Variants in CSMD3 observed in about 807,000 individuals in gnomAD.
CSMD3 encodes the protein CUB and sushi domain-containing protein 3.
In CSMD3, 177 loss-of-function variants were observed where a neutral mutation model predicts 435.2. That is an observed-to-expected ratio of 0.41 (90% CI 0.36 to 0.46). The LOEUF (loss-of-function observed/expected upper bound fraction) is 0.46, where lower values mean the gene tolerates loss of function less well. Among genes scored for constraint, CSMD3 ranks in the 20% least tolerant of loss-of-function variants. CSMD3 has a pLI of 0.34. For missense variants in CSMD3, 4,265 were observed against 4,504.6 expected, an observed-to-expected ratio of 0.95 and a Z score of 1.52; for synonymous variants, 1,656 against 1,520.5, an observed-to-expected ratio of 1.09 and a Z score of -2.07.
chr8:112,934,788 T>G (rs2130729813), intron 9 of CSMD3, among the ~76,000 whole-genome samples: 1 of 152,286 alleles, frequency 6.6e-6, no homozygotes, highest in Middle Eastern at 3.4e-3. Context: ...ATTTGGGAAC[T>G]TCTTGTGCTA....
At chr8:113,257,636 T>G (rs1312512396) in intron 3 of CSMD3, among the ~76,000 whole-genome samples, 2 of 152,128 alleles carry the variant, frequency 1.3e-5, no homozygotes, top group Non-Finnish European at 2.9e-5. Context: ...AAGGAGAAAT[T>G]TGAAATATTT....
intron 4 of CSMD3, among the ~76,000 whole-genome samples, chr8:113,100,020 G>T (rs1207819848): frequency 6.6e-6 from 1 of 151,952 alleles, no homozygotes; most frequent in Non-Finnish European, 1.5e-5. Flanking sequence ...AATGGAGATG[G>T]ACAATATCTT....
At chr8:113,279,258 T>C (rs143523556) in intron 2 of CSMD3, among the ~76,000 whole-genome samples, 223 of 148,806 alleles carry the variant, frequency 1.5e-3, no homozygotes, top group African/African-American at 5.3e-3. Context: ...CCGAGAAGAA[T>C]TAGGCAACTA....
intron 31 of CSMD3, among the ~76,000 whole-genome samples, chr8:112,484,230 T>G (rs1302948655): frequency 6.6e-6 from 1 of 152,182 alleles, no homozygotes; most frequent in Admixed American, 6.5e-5. Flanking sequence ...TTTTTCTAAC[T>G]GAATTTTAGC....
rs961707139 is a variant in CSMD3, at chr8:112,290,868, T to C, written c.8974+642A>G. Among the ~76,000 whole-genome samples, 3 of 152,038 alleles carry C rather than the reference T, an allele frequency of 2.0e-5. No individual in the cohort carries two copies. In the East Asian group the frequency reaches 5.8e-4, roughly 29 times the overall value. On this transcript the variant is annotated intron_variant, in intron 56 of 70. Transcript: ENST00000297405. ...GCTAGAATTTATGTTCACTCCTCTA[T>C]GCCTTCACAGAAGTTTGATTTATAA...
intron 3 of CSMD3, among the ~76,000 whole-genome samples, chr8:113,274,835 G>C (rs28649251): frequency 0.42 from 55,193 of 131,008 alleles, 11,114 homozygotes; most frequent in African/African-American, 0.59. Context: ...CACACACACA[G>C]AGAGAAAGAG....
At chr8:112,555,363 G>C (rs567582216) in intron 25 of CSMD3, among the ~76,000 whole-genome samples, 12 of 151,914 alleles carry the variant, frequency 7.9e-5, no homozygotes, top group Admixed American at 2.6e-4. Flanking sequence ...AGCATGGCAA[G>C]TCAATATTTA....
chr8:112,606,962 C>A (rs1832834866), intron 22 of CSMD3, among the ~76,000 whole-genome samples: 1 of 122,134 alleles, frequency 8.2e-6, no homozygotes. Context: ...AACTTTACCC[C>A]TCAAGCTATG....
intron 13 of CSMD3, among the ~76,000 whole-genome samples, chr8:112,700,690 A>T (rs1258477275): frequency 6.6e-6 from 1 of 152,106 alleles, no homozygotes; most frequent in Non-Finnish European, 1.5e-5. Flanking sequence ...TACGGACAGA[A>T]CAACCATGGT....
At chr8:112,469,589 T>C (rs1818320309) in intron 32 of CSMD3, among the ~76,000 whole-genome samples, 1 of 152,142 alleles carries the variant, frequency 6.6e-6, no homozygotes, top group African/African-American at 2.4e-5. Context: ...TAGGTTCTGA[T>C]AAGGAGCGCA....
At chr8:112,474,670 G>A (rs1274250174) in intron 31 of CSMD3, among the ~76,000 whole-genome samples, 1 of 151,936 alleles carries the variant, frequency 6.6e-6, no homozygotes, top group African/African-American at 2.4e-5. Flanking sequence ...CTGCATGCAG[G>A]GATGAATTAG....
chr8:112,575,470 C>T lies in CSMD3; in HGVS notation c.3886-1813G>A, dbSNP rs539110673. ...ATTACTTGGTCTCTCTCTTTTTATA[C>T]ACTCTGTCAAGTTTTTAAAAAATGT... On this transcript the variant is annotated intron_variant, in intron 23 of 70. Coordinates refer to ENST00000297405, the MANE Select transcript of CSMD3 (RefSeq NM_198123.2). Among the ~76,000 whole-genome samples the T allele has an allele frequency of 2.0e-5, 3 of 152,150 alleles. No individual in the cohort carries two copies. The South Asian group carries it at 6.2e-4, about 32-fold the overall frequency.
At chr8:113,060,447 C>T (rs1237665622) in intron 5 of CSMD3, among the ~76,000 whole-genome samples, 1 of 151,794 alleles carries the variant, frequency 6.6e-6, no homozygotes, top group East Asian at 1.9e-4. Context: ...TAGTGTAGGG[C>T]CTTGTTTTAA....
At chr8:112,294,194 C>T (rs1009790064) in intron 54 of CSMD3, among the ~76,000 whole-genome samples, 2 of 151,868 alleles carry the variant, frequency 1.3e-5, no homozygotes, top group African/African-American at 2.4e-5. Flanking sequence ...ATTATCATTA[C>T]CATGAAACTA....
At chr8:113,291,738 T>C (rs77339704) in intron 2 of CSMD3, among the ~76,000 whole-genome samples, 1 of 152,024 alleles carries the variant, frequency 6.6e-6, no homozygotes, top group East Asian at 1.9e-4. Context: ...TACACAAAGT[T>C]ATATGAAATC....
At chr8:112,240,300 T>A (rs2130039726) in intron 66 of CSMD3, among the ~76,000 whole-genome samples, 1 of 152,212 alleles carries the variant, frequency 6.6e-6, no homozygotes, top group African/African-American at 2.4e-5. Flanking sequence ...ACAGATTTGA[T>A]GTGCTGGAGC....
intron 61 of CSMD3, among the ~76,000 whole-genome samples, chr8:112,263,287 G>A (rs1816613299): frequency 6.6e-6 from 1 of 152,014 alleles, no homozygotes; most frequent in African/African-American, 2.4e-5. Flanking sequence ...GAAGTGACAT[G>A]GATTTATTGC....
chr8:113,194,735 G>GA (rs1023777634), intron 3 of CSMD3, among the ~76,000 whole-genome samples: 1 of 150,740 alleles, frequency 6.6e-6, no homozygotes, highest in African/African-American at 2.4e-5. Flanking sequence ...TAAATTTTTC[G>GA]AAAAAACCCC....
chr8:112,661,994 A>T (rs2075392528), intron 17 of CSMD3, among the ~76,000 whole-genome samples: 2 of 152,118 alleles, frequency 1.3e-5, no homozygotes, highest in Admixed American at 6.6e-5. Context: ...AGGACTGAAG[A>T]TTCTAGATGC....
Sources: gnomAD v4.1 joint callset for allele counts (sites outside exome capture counted in the v4.1 genomes callset) on GRCh38, gnomAD v4.1.1 for gene constraint, MANE v1.5 for transcripts, NCBI Gene and HGNC (gene_info 2026-07-23, HGNC 2026-07-21) for gene names.